PHC2: variants seen among roughly 807,000 people sequenced by gnomAD.
PHC2 encodes polyhomeotic homolog 2.
In PHC2, 29 loss-of-function variants were observed where a neutral mutation model predicts 87.4. The observed-to-expected ratio is 0.33, with a 90% CI of 0.25 to 0.45. PHC2 has a LOEUF of 0.45. PHC2 is among the 20% of genes least tolerant of loss of function. The probability of loss-of-function intolerance (pLI) is 1.00; values close to 1 mark genes in which losing one functional copy is unlikely to be tolerated. For synonymous variants in PHC2, 438 were observed against 461.7 expected (o/e 0.95, Z 0.66); for missense variants, 857 against 1,136.7 (o/e 0.75, Z 3.54).
intron 14 of PHC2, chr1:33,325,784 G>C (rs1262270993): frequency 2.3e-6 from 1 of 432,910 alleles, no homozygotes; most frequent in Non-Finnish European, 4.6e-6. Flanking sequence ...AACTAATGCA[G>C]ATTCTGGTAC....
At position 33,332,128 on chromosome 1, in the gene PHC2, G is replaced by A; in HGVS notation, c.1891+147C>T. The A allele has an allele frequency of 2.4e-6, 2 of 844,852 alleles. No homozygotes were observed. The highest frequency in any genetic ancestry group is 3.7e-6 in the Non-Finnish European group (2 of 541,844). The allele number at this position is 844,852 out of a possible 1,614,324, so 52.3% of individuals were successfully genotyped here. On this transcript the variant is annotated intron_variant, in intron 11 of 14. Coordinates refer to ENST00000683057, the MANE Select transcript of PHC2 (RefSeq NM_001385109.1). The surrounding 1 kb of genome is among the most constrained non-coding windows in gnomAD (Gnocchi z 4.2). Reference sequence around the variant, plus strand: ...TGATTTCCCCTATCCCTCTTTTTGAGGGAAGGAGGCTGAGGAGGTGCTGGG... The same window carrying A: ...TGATTTCCCCTATCCCTCTTTTTGAAGGAAGGAGGCTGAGGAGGTGCTGGG...
chr1:33,370,816 C>A (rs1348699526), intron 4 of PHC2, among the ~76,000 whole-genome samples: 2 of 152,234 alleles, frequency 1.3e-5, no homozygotes, highest in East Asian at 3.9e-4. Context: ...CCACAGAGAG[C>A]CCTGACACTG....
Position 33,331,709 on chromosome 1 carries a change from AAC to A in PHC2, c.1892-249_1892-248del. The A allele has an allele frequency of 2.4e-6, 1 of 424,324 alleles. No homozygotes were observed. Among genetic ancestry groups the A allele is most frequent in the Non-Finnish European group, 4.2e-6 (1 of 237,866 alleles). The allele number at this position is 424,324 out of a possible 1,614,324, so 26.3% of individuals were successfully genotyped here. A position where few individuals can be genotyped will look rare whatever the true frequency, so the allele number is the denominator to read the frequency against. On this transcript the variant is annotated intron_variant, in intron 11 of 14. Transcript: ENST00000683057. This position sits in a 1 kb window ranked among gnomAD's most constrained non-coding sequence, Gnocchi z 5.2. ...TCCACGTGGTCTGAGTCTGAGGCAA[AAC>A]ACAGGTGGGGAAGAATCAGCATCAA...
At chr1:33,375,805 A>G (rs548793483) in intron 1 of PHC2, among the ~76,000 whole-genome samples, 2 of 152,328 alleles carry the variant, frequency 1.3e-5, no homozygotes, top group South Asian at 2.1e-4. Context: ...CTATTTGCAT[A>G]GCATTTACAT....
At chr1:33,391,612 G>A (rs1456213299) in intron 1 of PHC2, among the ~76,000 whole-genome samples, 1 of 151,518 alleles carries the variant, frequency 6.6e-6, no homozygotes, top group East Asian at 1.9e-4. Context: ...CCTACAAAAT[G>A]GTCCCCTCTG....
At chr1:33,337,579 T>C (rs1350357091) in intron 9 of PHC2, among the ~76,000 whole-genome samples, 10 of 152,148 alleles carry the variant, frequency 6.6e-5, no homozygotes, top group Non-Finnish European at 1.5e-4. Context: ...ACGCCTACCT[T>C]AGAGTGCTGC....
intron 1 of PHC2, among the ~76,000 whole-genome samples, chr1:33,411,237 T>A (rs1649967758): frequency 6.6e-6 from 1 of 152,234 alleles, no homozygotes; most frequent in South Asian, 2.1e-4. Flanking sequence ...GGTTTATATT[T>A]CACTAAAATA....
intron 4 of PHC2, among the ~76,000 whole-genome samples, 153 bp downstream of exon 4, chr1:33,370,864 A>C (rs1450917116): frequency 6.6e-6 from 1 of 152,108 alleles, no homozygotes; most frequent in Non-Finnish European, 1.5e-5. Context: ...AAGGTCAGTA[A>C]GAGACATGCC....
rs963027553 is a variant in PHC2, at chr1:33,369,414, A to G, written c.577-792T>C. Reference sequence around the variant, plus strand: ...GGGAGGCAGACAGGCAGGCATCACGACCCCAGTGGAGTAGGACATAGGGAC... The same window carrying G: ...GGGAGGCAGACAGGCAGGCATCACGGCCCCAGTGGAGTAGGACATAGGGAC... On this transcript the variant is annotated intron_variant, in intron 5 of 14. Coordinates refer to ENST00000683057, the MANE Select transcript of PHC2 (RefSeq NM_001385109.1). This position sits in a 1 kb window ranked among gnomAD's most constrained non-coding sequence, Gnocchi z 4.7. 1.3e-5 allele frequency among the ~76,000 whole-genome samples: 2 copies of G among 152,104 alleles called. No individual in the cohort carries two copies. The highest frequency in any genetic ancestry group is 4.8e-5 in the African/African-American group (2 of 41,408).
chr1:33,416,024 T>C (rs1266455921), intron 1 of PHC2, among the ~76,000 whole-genome samples: 1 of 151,918 alleles, frequency 6.6e-6, no homozygotes, highest in Non-Finnish European at 1.5e-5. Flanking sequence ...TGGGACAATA[T>C]CAAGCAATCT....
At chr1:33,389,966 G>C (rs1044141515) in intron 1 of PHC2, among the ~76,000 whole-genome samples, 4 of 152,108 alleles carry the variant, frequency 2.6e-5, no homozygotes, top group African/African-American at 9.7e-5. Flanking sequence ...TGAAACGTAG[G>C]TAGCTAATTT....
Position 33,420,301 on chromosome 1 carries a change from T to C in PHC2, c.-55+10675A>G, listed in dbSNP as rs143882644. Among the ~76,000 whole-genome samples, 12 of 152,268 alleles carry C rather than the reference T, an allele frequency of 7.9e-5. No individual in the cohort carries two copies. The East Asian group carries it at 2.3e-3, about 29-fold the overall frequency. On this transcript the variant is annotated intron_variant, in intron 1 of 14. Transcript: ENST00000683057. Reference sequence around the variant, plus strand: ...GTGCTAACATACAAACTCAAATCTATACAATTATGAAACTGATCACAAACT... The same window carrying C: ...GTGCTAACATACAAACTCAAATCTACACAATTATGAAACTGATCACAAACT...
At chr1:33,327,566 A>G (rs576774532) in intron 14 of PHC2, among the ~76,000 whole-genome samples, 19 of 152,166 alleles carry the variant, frequency 1.2e-4, no homozygotes, top group Non-Finnish European at 2.4e-4. Context: ...CCCATAAGAT[A>G]TTGTGAAAAA....
chr1:33,427,270 G>C (rs983836514), intron 1 of PHC2, among the ~76,000 whole-genome samples: 11 of 152,300 alleles, frequency 7.2e-5, no homozygotes, highest in African/African-American at 2.6e-4. Context: ...ATAAACGACA[G>C]CTACACTATT....
In PHC2 at chr1:33,368,206, A is replaced by C. The variant is rs1359184691; in HGVS notation, c.663+330T>G. 6.6e-6 allele frequency among the ~76,000 whole-genome samples: 1 copy of C among 152,140 alleles called. No homozygotes were observed. The highest frequency in any genetic ancestry group is 1.5e-5 in the Non-Finnish European group (1 of 68,028). On this transcript the variant is annotated intron_variant, in intron 6 of 14. Coordinates refer to ENST00000683057, the MANE Select transcript of PHC2 (RefSeq NM_001385109.1). The surrounding 1 kb of genome is among the most constrained non-coding windows in gnomAD (Gnocchi z 6.6). ...GTGTGTAACCGGAGCGGGACTTTCC[A>C]CTTATGAAGCAGCAGCAGCCAGACC...
chr1:33,421,447 G>A (rs559441746), intron 1 of PHC2, among the ~76,000 whole-genome samples: 5 of 152,240 alleles, frequency 3.3e-5, no homozygotes, highest in Admixed American at 2.6e-4. Context: ...TTCTCTACAG[G>A]AACTTATTAA....
chr1:33,363,876 G>A, intron 7 of PHC2: 1 of 985,192 alleles, frequency 1.0e-6, no homozygotes, highest in Non-Finnish European at 1.2e-6. Flanking sequence ...GACCCCTGCT[G>A]CCTGCCTCTC....
At chr1:33,402,690 G>T (rs1482536856) in intron 1 of PHC2, among the ~76,000 whole-genome samples, 2 of 152,064 alleles carry the variant, frequency 1.3e-5, no homozygotes. Context: ...AAAGAAGCAA[G>T]ACTCAGAATG....
intron 9 of PHC2, chr1:33,347,267 G>A (rs1456260957): frequency 2.5e-5 from 25 of 985,388 alleles, no homozygotes; most frequent in East Asian, 1.1e-4. Context: ...AAGCAGCACA[G>A]TGCCTTCCTA....
Sources: gnomAD v4.1 joint callset for allele counts (sites outside exome capture counted in the v4.1 genomes callset) on GRCh38, gnomAD v4.1.1 for gene constraint, Gnocchi (gnomAD v3.1) non-coding constraint, MANE v1.5 for transcripts, NCBI Gene and HGNC (gene_info 2026-07-23, HGNC 2026-07-21) for gene names.